The following B3GALT1 variants were observed in gnomAD, a reference collection of about 807,000 sequenced individuals.
The protein encoded by B3GALT1 is UDP-Gal:betaGlcNAc beta 1,3-galactosyltransferase, polypeptide 1.
In B3GALT1, 10 loss-of-function variants were observed where a neutral mutation model predicts 23.2. The observed-to-expected ratio is 0.43, with a 90% CI of 0.27 to 0.73. The LOEUF (loss-of-function observed/expected upper bound fraction) is 0.73. Ranked by LOEUF, B3GALT1 falls within the 30% of genes least tolerant of loss-of-function variation. The pLI, the probability that B3GALT1 is intolerant of heterozygous loss-of-function variation, is 0.21. For synonymous variants in B3GALT1, 156 were observed against 141.5 expected, an observed-to-expected ratio of 1.10 and a Z score of -0.73; for missense variants, 299 against 405.4, an observed-to-expected ratio of 0.74 and a Z score of 2.25.
chr2:167,605,485 A>G (rs1224226468), intron 2 of B3GALT1, among the ~76,000 whole-genome samples: 2 of 151,928 alleles, frequency 1.3e-5, no homozygotes, highest in Non-Finnish European at 1.5e-5. Context: ...CTCAGATGGC[A>G]TGTCAACCCG....
At chr2:167,338,940 A>G (rs1184258955) in intron 1 of B3GALT1, among the ~76,000 whole-genome samples, 1 of 152,176 alleles carries the variant, frequency 6.6e-6, no homozygotes, top group Non-Finnish European at 1.5e-5. Flanking sequence ...GTATAATTAG[A>G]TTGGCGAAAT....
chr2:167,811,679 G>A (rs79581719), intron 3 of B3GALT1, among the ~76,000 whole-genome samples: 1,607 of 152,210 alleles, frequency 0.011, 10 homozygotes, highest in Middle Eastern at 0.034. Context: ...GCAAAGGGTG[G>A]CTTCTTTGTA....
intron 3 of B3GALT1, among the ~76,000 whole-genome samples, chr2:167,691,777 A>G (rs1017060459): frequency 2.6e-5 from 4 of 152,186 alleles, no homozygotes; most frequent in African/African-American, 7.2e-5. Flanking sequence ...GTAGCTTAAA[A>G]GGCATAGATA....
chr2:167,553,096 T>C (rs1683777710), intron 2 of B3GALT1, among the ~76,000 whole-genome samples: 2 of 152,114 alleles, frequency 1.3e-5, no homozygotes, highest in Non-Finnish European at 2.9e-5. Flanking sequence ...TTAATTCCAA[T>C]CCAGAGAATA....
chr2:167,747,626 A>T (rs1482364919), intron 3 of B3GALT1, among the ~76,000 whole-genome samples: 2 of 152,174 alleles, frequency 1.3e-5, no homozygotes, highest in African/African-American at 4.8e-5. Context: ...CCTAAGTGTG[A>T]TTTTATGTTT....
intron 2 of B3GALT1, among the ~76,000 whole-genome samples, chr2:167,597,263 C>T (rs143560057): frequency 0.021 from 3,237 of 152,014 alleles, 128 homozygotes; most frequent in African/African-American, 0.073. Context: ...CTACAGGCGC[C>T]AGCCACCATG....
chr2:167,782,807 T>A (rs1384919554), intron 3 of B3GALT1, among the ~76,000 whole-genome samples: 6 of 152,226 alleles, frequency 3.9e-5, no homozygotes, highest in African/African-American at 1.4e-4. Flanking sequence ...TATGTACAGT[T>A]ATATTCTCTA....
intron 1 of B3GALT1, among the ~76,000 whole-genome samples, chr2:167,450,026 T>C (rs1699063399): frequency 6.6e-6 from 1 of 152,206 alleles, no homozygotes; most frequent in African/African-American, 2.4e-5. Context: ...GCATCTATAT[T>C]CATCAGCGAT....
intron 2 of B3GALT1, among the ~76,000 whole-genome samples, chr2:167,627,733 T>A (rs2105444470): frequency 6.6e-6 from 1 of 151,802 alleles, no homozygotes; most frequent in East Asian, 1.9e-4. Context: ...GCTAAATTTT[T>A]AAAATATTAA....
intron 3 of B3GALT1, among the ~76,000 whole-genome samples, chr2:167,683,317 T>G (rs978434536): frequency 5.3e-5 from 8 of 152,172 alleles, no homozygotes; most frequent in Non-Finnish European, 8.8e-5. Flanking sequence ...TAACTATGAA[T>G]GTAGTCTTCT....
At chr2:167,315,970 C>T (rs1018433968) in intron 1 of B3GALT1, among the ~76,000 whole-genome samples, 2 of 152,128 alleles carry the variant, frequency 1.3e-5, no homozygotes, top group Non-Finnish European at 2.9e-5. Flanking sequence ...TACATATTTA[C>T]ATAATTTTTC....
chr2:167,428,413 G>A (rs768685120), intron 1 of B3GALT1, among the ~76,000 whole-genome samples: 5 of 152,238 alleles, frequency 3.3e-5, no homozygotes, highest in Non-Finnish European at 7.4e-5. Context: ...AGCAGCTTAC[G>A]CCAGTTATTC....
At chr2:167,761,422 C>G (rs1331272009) in intron 3 of B3GALT1, among the ~76,000 whole-genome samples, 1 of 152,172 alleles carries the variant, frequency 6.6e-6, no homozygotes, top group African/African-American at 2.4e-5. Context: ...TGCATTCCAG[C>G]TCAGTAGATT....
intron 2 of B3GALT1, among the ~76,000 whole-genome samples, chr2:167,639,437 C>A (rs1209686484): frequency 6.6e-6 from 1 of 151,916 alleles, no homozygotes; most frequent in Admixed American, 6.6e-5. Context: ...TATCCAGTAA[C>A]CTGCAAAGAT....
intron 3 of B3GALT1, among the ~76,000 whole-genome samples, chr2:167,759,093 T>C (rs1687862261): frequency 1.3e-5 from 2 of 152,304 alleles, no homozygotes; most frequent in South Asian, 4.1e-4. Flanking sequence ...CCAGAATACA[T>C]TTCCAAATGC....
At chr2:167,572,757 A>G (rs556828279) in intron 2 of B3GALT1, among the ~76,000 whole-genome samples, 1 of 151,800 alleles carries the variant, frequency 6.6e-6, no homozygotes, top group African/African-American at 2.4e-5. Context: ...TTTACAAAAA[A>G]TATGTCCGTA....
At chr2:167,432,493 TAGC>T (rs1024641782) in intron 1 of B3GALT1, among the ~76,000 whole-genome samples, 47 of 152,282 alleles carry the variant, frequency 3.1e-4, no homozygotes, top group African/African-American at 1.1e-3. Flanking sequence ...TTCATTGCCT[TAGC>T]AGCTCCACTC....
rs139593329 is a variant in B3GALT1, at chr2:167,753,486, C to T, written c.-351-65186C>T. 2.9e-3 allele frequency among the ~76,000 whole-genome samples: 438 copies of T among 152,272 alleles called. 3 individuals are homozygous for T. Among genetic ancestry groups the T allele is most frequent in the African/African-American group, 9.9e-3 (413 of 41,564 alleles). Reference sequence around the variant, plus strand: ...TCCCACTTTCCATGCAGAGAGAATTCAGACATCTAAAAAGCCCTTGTGAAG... The same window carrying T: ...TCCCACTTTCCATGCAGAGAGAATTTAGACATCTAAAAAGCCCTTGTGAAG... On this transcript the variant is annotated intron_variant, in intron 3 of 4. Coordinates refer to ENST00000392690, the MANE Select transcript of B3GALT1 (RefSeq NM_020981.4).
chr2:167,598,727 CT>C (rs764420602), intron 2 of B3GALT1, among the ~76,000 whole-genome samples: 1 of 152,096 alleles, frequency 6.6e-6, no homozygotes, highest in South Asian at 2.1e-4. Context: ...ATAAGGCTTC[CT>C]TTATTAAATC....
Sources: allele counts gnomAD v4.1 joint callset (sites outside exome capture counted in the v4.1 genomes callset), GRCh38; gene constraint gnomAD v4.1.1; transcripts MANE v1.5; gene names NCBI Gene and HGNC (gene_info 2026-07-23, HGNC 2026-07-21).